Variants in DOC2B observed in about 807,000 individuals in gnomAD.
DOC2B encodes the protein double C2 domain beta.
A neutral mutation model predicts 28.9 loss-of-function variants in DOC2B; 21 were observed. That is an observed-to-expected ratio of 0.73 (90% confidence interval 0.52 to 1.05). The LOEUF (loss-of-function observed/expected upper bound fraction) is 1.05, where lower values mean the gene tolerates loss of function less well. Among genes scored for constraint, DOC2B ranks in the 50% least tolerant of loss-of-function variants. The pLI is 0.00. For missense variants in DOC2B, 384 were observed against 421.1 expected (o/e 0.91, Z 0.77); for synonymous variants, 194 against 178.1 (o/e 1.09, Z -0.71).
At position 161,500 on chromosome 17, in the gene DOC2B, A is replaced by C; in HGVS notation, c.680T>G (p.Phe227Cys). ...CDEDKFRHNE[F>C]IGETRVPLKK... ...CAGGGGCACACGTGTCTCCCCGATG[A>C]ACTCATTGTGCCGGAATTTGTCCTC... is the stretch of plus-strand genomic sequence containing the variant. Residue 227 changes from phenylalanine (F) to cysteine (C), a missense_variant, in exon 5 of 9, where the codon TTC (phenylalanine) becomes TGC (cysteine). By Grantham distance (205) the Phe-to-Cys change is radical. Transcript: ENST00000613549. 1 of 1,551,664 alleles carries C rather than the reference A, an allele frequency of 6.4e-7. No individual in the cohort carries two copies. Among genetic ancestry groups the C allele is most frequent in the Non-Finnish European group, 8.7e-7 (1 of 1,146,978 alleles).
intron 1 of DOC2B, among the ~76,000 whole-genome samples, chr17:180,009 C>G (rs2040419567): frequency 6.6e-6 from 1 of 152,224 alleles, no homozygotes; most frequent in African/African-American, 2.4e-5. Context: ...AGGCCCGCAG[C>G]CCACAGGCCC....
rs2040030395 is a variant in DOC2B at position 147,638 on chromosome 17, C to G, written c.1103-61G>C. ...GACCCCCAACTCCCAGGCGTGGGGC[C>G]CATGCCCCCTCCCAGGTTCTGTGCT... On this transcript the variant is annotated intron_variant, in intron 8 of 8. Coordinates refer to ENST00000613549, the MANE Select transcript of DOC2B (RefSeq NM_003585.5). The G allele has an allele frequency of 1.8e-5, 7 of 398,840 alleles. No individual in the cohort carries two copies. In the South Asian group the frequency reaches 7.6e-4, roughly 43 times the overall value. The allele number at this position is 398,840 out of a possible 1,614,324, so 24.7% of individuals were successfully genotyped here.
Position 181,350 on chromosome 17 carries a change from G to A in DOC2B, c.130C>T (p.Leu44=). ...GCTCGGGGCCCGGCGTCCGGGGGCA[G>A]GCCCCGCGGGAAGCGGGGGAAGTAG... is the stretch of plus-strand genomic sequence containing the variant. ...SDYFPRFPRG[L]PPDAGPRAAA... Residue 44 remains leucine (L), a synonymous_variant, in exon 1 of 9, where the codon CTG becomes TTG. Transcript: ENST00000613549. The surrounding 1 kb of genome is among the most constrained non-coding windows in gnomAD (Gnocchi z 7.0). 8.8e-7 allele frequency: 1 copy of A among 1,130,820 alleles called. No homozygotes were observed. Among genetic ancestry groups the A allele is most frequent in the Non-Finnish European group, 1.1e-6 (1 of 923,348 alleles). The allele number at this position is 1,130,820 out of a possible 1,614,324, so 70.0% of individuals were successfully genotyped here. A position where few individuals can be genotyped will look rare whatever the true frequency, so the allele number is the denominator to read the frequency against.
Position 149,166 on chromosome 17 carries a change from T to A in DOC2B, c.950A>T (p.Lys317Ile), listed in dbSNP as rs2040046408. The change falls in exon 7 of 9, where the codon AAA becomes ATA. Residue 317 changes from lysine to isoleucine, a missense_variant. Lys to Ile is a moderately radical substitution (Grantham distance 102). Transcript: ENST00000613549. ...CTTCACCGCTGTCTTATGTTTGGATTTCTTGTCCACATCTGGCCTCAGGTA... is the reference window on the plus strand; with the variant it reads ...CTTCACCGCTGTCTTATGTTTGGATATCTTGTCCACATCTGGCCTCAGGTA... ...KTYLRPDVDKKSKHKTAVKKK... is the reference protein window; with the variant it reads ...KTYLRPDVDKISKHKTAVKKK... 1.0e-5 allele frequency: 4 copies of A among 400,020 alleles called. No homozygotes were observed. The highest frequency in any genetic ancestry group is 1.2e-3 in the Middle Eastern group (2 of 1,618). The allele number at this position is 400,020 out of a possible 1,614,324, so 24.8% of individuals were successfully genotyped here.
chr17:177,104 G>C (rs1405334535), intron 1 of DOC2B, among the ~76,000 whole-genome samples: 1 of 147,722 alleles, frequency 6.8e-6, no homozygotes, highest in Non-Finnish European at 1.5e-5. Context: ...TTGTGGCAAG[G>C]ACCATAGAAA....
At chr17:179,935 C>T (rs2040418369) in intron 1 of DOC2B, among the ~76,000 whole-genome samples, 1 of 152,280 alleles carries the variant, frequency 6.6e-6, no homozygotes, top group African/African-American at 2.4e-5. Context: ...GGGTCTGTGC[C>T]CCGGGGGCAC....
intron 6 of DOC2B, among the ~76,000 whole-genome samples, chr17:154,484 G>A (rs1007893763): frequency 2.0e-5 from 3 of 152,246 alleles, no homozygotes; most frequent in Admixed American, 6.5e-5. Flanking sequence ...CCACTGCAGG[G>A]ACAGACTTCA....
intron 1 of DOC2B, among the ~76,000 whole-genome samples, chr17:175,809 T>G (rs1224627458): frequency 6.6e-6 from 1 of 152,196 alleles, no homozygotes; most frequent in African/African-American, 2.4e-5. Context: ...GAGAAGCCCC[T>G]GCACTGGCTC....
intron 6 of DOC2B, among the ~76,000 whole-genome samples, chr17:151,365 G>A (rs1165734785): frequency 1.3e-5 from 2 of 152,108 alleles, no homozygotes; most frequent in African/African-American, 4.8e-5. Context: ...TTTGAATTTT[G>A]GATTTTTTCA....
At chr17:157,602 C>T (rs1555522736) in intron 5 of DOC2B, among the ~76,000 whole-genome samples, 1 of 152,188 alleles carries the variant, frequency 6.6e-6, no homozygotes, top group Non-Finnish European at 1.5e-5. Flanking sequence ...GCTGGGACTA[C>T]AGTCTAATTT....
chr17:147,870 A>G (rs2151457084), intron 8 of DOC2B, among the ~76,000 whole-genome samples: 1 of 152,334 alleles, frequency 6.6e-6, no homozygotes, highest in Admixed American at 6.5e-5. Flanking sequence ...CACTATGCGC[A>G]GCCACCAGGC....
At chr17:170,825 G>C (rs2040304899) in intron 2 of DOC2B, among the ~76,000 whole-genome samples, 1 of 120,836 alleles carries the variant, frequency 8.3e-6, no homozygotes, top group Non-Finnish European at 1.8e-5. Flanking sequence ...CAGCACCAGG[G>C]GCCGGGCCAG....
At chr17:180,964 G>A (rs922057321) in intron 1 of DOC2B, 143 bp downstream of exon 1, 11 of 661,786 alleles carry the variant, frequency 1.7e-5, no homozygotes, top group Non-Finnish European at 2.3e-5. Context: ...GTGCGCCAGG[G>A]GCCCGCAAGC....
intron 1 of DOC2B, among the ~76,000 whole-genome samples, chr17:179,395 C>T (rs1158126987): frequency 9.9e-5 from 3 of 30,252 alleles, no homozygotes; most frequent in African/African-American, 2.8e-4. Context: ...GGTTCAGAGA[C>T]AGCAAAAAAA....
chr17:149,526 T>A (rs1211388376), intron 6 of DOC2B, among the ~76,000 whole-genome samples: 1 of 151,946 alleles, frequency 6.6e-6, no homozygotes, highest in African/African-American at 2.4e-5. Flanking sequence ...CAGAACAGAG[T>A]TTTTAGCAGA....
chr17:177,028 AT>A (rs5818738), intron 1 of DOC2B, among the ~76,000 whole-genome samples: 65,547 of 131,096 alleles, frequency 0.5, 16,193 homozygotes, highest in East Asian at 0.72. Flanking sequence ...ATCTGCCCTG[AT>A]TTTTTTTTTT....
intron 8 of DOC2B, among the ~76,000 whole-genome samples, chr17:147,880 C>T (rs1475943786): frequency 7.2e-5 from 11 of 152,232 alleles, no homozygotes; most frequent in African/African-American, 2.2e-4. Flanking sequence ...AGCCACCAGG[C>T]CCACTGGGAA....
chr17:153,798 A>G lies in DOC2B; in HGVS notation c.923+2422T>C, dbSNP rs1555522061. ...CAAGTCAATGACAAATCAGAAGAAA[A>G]AACATATATATACGCAAACCAGTAT... is the stretch of plus-strand genomic sequence containing the variant. On this transcript the variant is annotated intron_variant, in intron 6 of 8. Transcript: ENST00000613549. Among the ~76,000 whole-genome samples, 7 of 152,228 alleles carry G rather than the reference A, an allele frequency of 4.6e-5. No homozygotes were observed. In the South Asian group the frequency reaches 1.5e-3, roughly 32 times the overall value.
chr17:156,188 G>T (rs756752930), intron 6 of DOC2B, 32 bp downstream of exon 6: 20 of 1,523,982 alleles, frequency 1.3e-5, no homozygotes, highest in Non-Finnish European at 1.8e-5. Context: ...AGGTGAAGAC[G>T]TGGCAGGTGG....
Sources: gnomAD v4.1 joint callset for allele counts (sites outside exome capture counted in the v4.1 genomes callset) on GRCh38, gnomAD v4.1.1 for gene constraint, Gnocchi (gnomAD v3.1) non-coding constraint, MANE v1.5 for transcripts, NCBI Gene and HGNC (gene_info 2026-07-23, HGNC 2026-07-21) for gene names.